Variants in PCDHGA2 observed in about 807,000 individuals in gnomAD.
PCDHGA2 encodes protocadherin gamma subfamily A, 2.
Under a neutral mutation model 59.2 loss-of-function variants are expected in PCDHGA2, and 40 were observed. The observed-to-expected ratio is 0.68, with a 90% confidence interval of 0.52 to 0.88. PCDHGA2 has a LOEUF of 0.88. PCDHGA2 is among the 40% of genes least tolerant of loss of function. The probability of loss-of-function intolerance (pLI) is 0.00; values close to 1 mark genes in which losing one functional copy is unlikely to be tolerated. For synonymous variants in PCDHGA2, 560 were observed against 526.0 expected, an observed-to-expected ratio of 1.06 and a Z score of -0.89; for missense variants, 1,226 against 1,204.0, an observed-to-expected ratio of 1.02 and a Z score of -0.27.
At position 141,487,577 on chromosome 5, in the gene PCDHGA2, C is replaced by T; in HGVS notation, c.2425-7230C>T. 1 of 1,614,150 alleles carries T rather than the reference C, an allele frequency of 6.2e-7. No homozygotes were observed. Among genetic ancestry groups the T allele is most frequent in the Non-Finnish European group, 8.5e-7 (1 of 1,180,024 alleles). On this transcript the variant is annotated intron_variant, in intron 1 of 3. Transcript: ENST00000394576. This position sits in a 1 kb window ranked among gnomAD's most constrained non-coding sequence, Gnocchi z 5.0. ...ACCTATGGCAGGGGAGCCTGTTCGCCCAAGCTGCCCACCCTCTGATCTTCT... is the reference window on the plus strand; with the variant it reads ...ACCTATGGCAGGGGAGCCTGTTCGCTCAAGCTGCCCACCCTCTGATCTTCT...
chr5:141,352,591 G>A, intron 1 of PCDHGA2: 2 of 1,613,590 alleles, frequency 1.2e-6, no homozygotes, highest in Non-Finnish European at 1.7e-6. Context: ...AGGATCTGCT[G>A]TGTGATGATC....
At chr5:141,484,931 A>ACGTT (rs1464416110) in intron 1 of PCDHGA2, 2 of 498,000 alleles carry the variant, frequency 4.0e-6, no homozygotes, top group Non-Finnish European at 7.2e-6. Flanking sequence ...TGCTGTTGGG[A>ACGTT]CGTTCTCTGC....
At chr5:141,403,167 C>G (rs775617849) in intron 1 of PCDHGA2, 1 of 1,614,026 alleles carries the variant, frequency 6.2e-7, no homozygotes, top group Non-Finnish European at 8.5e-7. Flanking sequence ...AGAGGTAGGA[C>G]GCAGCTTTTC....
chr5:141,408,660 C>T, intron 1 of PCDHGA2: 1 of 1,613,980 alleles, frequency 6.2e-7, no homozygotes, highest in East Asian at 2.2e-5. Context: ...ACACGACTAT[C>T]GCTTGACCCT....
At chr5:141,378,810 A>G (rs920121754) in intron 1 of PCDHGA2, 1 of 152,256 alleles carries the variant, frequency 6.6e-6, no homozygotes, top group Non-Finnish European at 1.5e-5. Context: ...TGCAAACAGA[A>G]TCATTGTTTC....
At position 141,476,321 on chromosome 5, in the gene PCDHGA2, G is replaced by A; in HGVS notation, c.2425-18486G>A. 1 of 1,614,196 alleles carries A rather than the reference G, an allele frequency of 6.2e-7. No homozygotes were observed. The highest frequency in any genetic ancestry group is 1.3e-5 in the African/African-American group (1 of 75,054). ...CCTCTCAGCCCGCAGGTTCCGGGTG[G>A]TGTCTGGAGCTAGCCGAAGATTCTT... On this transcript the variant is annotated intron_variant, in intron 1 of 3. Coordinates refer to ENST00000394576, the MANE Select transcript of PCDHGA2 (RefSeq NM_018915.4). The surrounding 1 kb of genome is among the most constrained non-coding windows in gnomAD (Gnocchi z 7.6).
At chr5:141,473,283 A>G (rs2099318531) in intron 1 of PCDHGA2, among the ~76,000 whole-genome samples, 1 of 152,324 alleles carries the variant, frequency 6.6e-6, no homozygotes, top group Non-Finnish European at 1.5e-5. Flanking sequence ...TTATTTTACT[A>G]TGTCAGTAGC....
intron 1 of PCDHGA2, chr5:141,415,649 A>T: frequency 1.9e-6 from 3 of 1,597,710 alleles, no homozygotes; most frequent in Non-Finnish European, 2.6e-6. Context: ...GTTAAAAAAA[A>T]AAAGATTGGT....
At chr5:141,345,357 G>T (rs1460966790) in intron 1 of PCDHGA2, 1 of 1,614,138 alleles carries the variant, frequency 6.2e-7, no homozygotes, top group African/African-American at 1.3e-5. Context: ...CACCCTGCAT[G>T]TGATTGACAT....
Position 141,489,680 on chromosome 5 carries a change from C to T in PCDHGA2, c.2425-5127C>T, listed in dbSNP as rs758765306. On this transcript the variant is annotated intron_variant, in intron 1 of 3. Coordinates refer to ENST00000394576, the MANE Select transcript of PCDHGA2 (RefSeq NM_018915.4). This position sits in a 1 kb window ranked among gnomAD's most constrained non-coding sequence, Gnocchi z 4.5. ...GAGATGCGCATCTCAGAATCAGCAG[C>T]ATCTGGGGCACGATTCCCACTGGAC... 2 of 1,614,070 alleles carry T rather than the reference C, an allele frequency of 1.2e-6. No individual in the cohort carries two copies. The highest frequency in any genetic ancestry group is 2.2e-5 in the East Asian group (1 of 44,886).
chr5:141,472,045 TA>T (rs1227282207), intron 1 of PCDHGA2, among the ~76,000 whole-genome samples: 3 of 152,170 alleles, frequency 2.0e-5, no homozygotes, highest in Non-Finnish European at 4.4e-5. Flanking sequence ...GAAAAGATTT[TA>T]AAAATGATTG....
At chr5:141,344,585 C>A (rs1757440405) in intron 1 of PCDHGA2, 4 of 1,613,976 alleles carry the variant, frequency 2.5e-6, no homozygotes, top group Non-Finnish European at 2.5e-6. Context: ...CTGTGAATAG[C>A]GTCTCTGAGG....
At chr5:141,430,979 C>A (rs370494413) in intron 1 of PCDHGA2, 2 of 1,613,642 alleles carry the variant, frequency 1.2e-6, no homozygotes, top group Non-Finnish European at 1.7e-6. Context: ...TAGGACGCAG[C>A]TTTTCGCCCT....
At chr5:141,500,145 T>C (rs2099796736) in intron 2 of PCDHGA2, among the ~76,000 whole-genome samples, 2 of 151,992 alleles carry the variant, frequency 1.3e-5, no homozygotes, top group East Asian at 3.9e-4. Context: ...TAAACTTTTC[T>C]TTGTGTAATC....
intron 1 of PCDHGA2, chr5:141,405,038 G>C: frequency 6.2e-7 from 1 of 1,613,964 alleles, no homozygotes; most frequent in Non-Finnish European, 8.5e-7. Context: ...CCTCGTTGTG[G>C]CTGTGGCAGT....
In PCDHGA2 at chr5:141,485,778, G is replaced by A. The variant is rs575586552; in HGVS notation, c.2425-9029G>A. On this transcript the variant is annotated intron_variant, in intron 1 of 3. Coordinates refer to ENST00000394576, the MANE Select transcript of PCDHGA2 (RefSeq NM_018915.4). The surrounding 1 kb of genome is among the most constrained non-coding windows in gnomAD (Gnocchi z 5.7). ...CTGCTCCTGGAGAAGCCTTTGGATC[G>A]AGAGAAGCAATCGGACTACCGCCTG... is the stretch of plus-strand genomic sequence containing the variant. The A allele has an allele frequency of 1.2e-6, 2 of 1,614,216 alleles. No individual in the cohort carries two copies. Among genetic ancestry groups the A allele is most frequent in the Admixed American group, 1.7e-5 (1 of 60,028 alleles).
At chr5:141,424,078 T>C in intron 1 of PCDHGA2, 1 of 975,828 alleles carries the variant, frequency 1.0e-6, no homozygotes, top group South Asian at 4.8e-5. Context: ...GTAGTTATAT[T>C]CCACCATTAT....
rs774487660 is a variant in PCDHGA2, at chr5:141,404,806, G to C, written c.2424+63411G>C. 6 of 1,613,874 alleles carry C rather than the reference G, an allele frequency of 3.7e-6. No individual in the cohort carries two copies. In the South Asian group the frequency reaches 5.5e-5, roughly 15 times the overall value. On this transcript the variant is annotated intron_variant, in intron 1 of 3. Transcript: ENST00000394576. ...AGGCCAGTGAGCCAGGGCTCTTCTCGGTGGGGCTGCACACAGGTGAAGTGC... is the reference window on the plus strand; with the variant it reads ...AGGCCAGTGAGCCAGGGCTCTTCTCCGTGGGGCTGCACACAGGTGAAGTGC...
At chr5:141,383,426 G>A (rs72790024) in intron 1 of PCDHGA2, 89,880 of 1,613,866 alleles carry the variant, frequency 0.056, 3,017 homozygotes, top group African/African-American at 0.15. Context: ...AGCCCCAATC[G>A]CCACTTCTCC....
Sources: allele counts gnomAD v4.1 joint callset (sites outside exome capture counted in the v4.1 genomes callset), GRCh38; gene constraint gnomAD v4.1.1; non-coding constraint Gnocchi (gnomAD v3.1); transcripts MANE v1.5; gene names NCBI Gene and HGNC (gene_info 2026-07-23, HGNC 2026-07-21).